ANKRD17: variants seen among roughly 807,000 people sequenced by gnomAD.
ANKRD17 encodes ankyrin repeat domain 17, also known as ankyrin repeat domain-containing protein 17.
A neutral mutation model predicts 229.7 loss-of-function variants in ANKRD17; 19 were observed. The observed-to-expected ratio is 0.08, with a 90% CI of 0.06 to 0.12. The LOEUF is 0.12. Ranked by LOEUF, ANKRD17 falls within the 10% of genes least tolerant of loss-of-function variation. ANKRD17 has a pLI of 1.00. For synonymous variants in ANKRD17, 1,112 were observed against 1,146.1 expected, an observed-to-expected ratio of 0.97 and a Z score of 0.60; for missense variants, 2,176 against 3,176.8, an observed-to-expected ratio of 0.68 and a Z score of 7.57.
Position 73,258,369 on chromosome 4 carries a change from G to A in ANKRD17, c.300C>T (p.Gly100=). The A allele has an allele frequency of 1.9e-6, 3 of 1,605,986 alleles. No homozygotes were observed. The highest frequency in any genetic ancestry group is 2.5e-6 in the Non-Finnish European group (3 of 1,177,476). Residue 100 remains glycine, a synonymous_variant, in exon 1 of 34, where the codon GGC becomes GGT. Coordinates refer to ENST00000358602, the MANE Select transcript of ANKRD17 (RefSeq NM_032217.5). ...CGCCGCCACCTCCGCCTCCACCGCC[G>A]CCTCCACCGCCGCCGCTGTTGTCGC... ...SDSDNSGGGG[G]GGGGGGGGGG... is the part of the protein sequence containing the mutation.
chr4:73,086,038 T>C (rs1426145146), intron 29 of ANKRD17, among the ~76,000 whole-genome samples: 1 of 152,010 alleles, frequency 6.6e-6, no homozygotes, highest in African/African-American at 2.4e-5. Context: ...AAGAAACAAT[T>C]ATCACATTAT....
intron 17 of ANKRD17, 59 bp from the exon 18 acceptor site, chr4:73,125,117 C>T (rs1048152147): frequency 6.9e-6 from 11 of 1,599,556 alleles, no homozygotes; most frequent in Non-Finnish European, 9.4e-6. Context: ...AAATATCTGA[C>T]CTTCAAAATA....
chr4:73,090,625 T>G, intron 29 of ANKRD17, 42 bp downstream of exon 29: 1 of 1,609,896 alleles, frequency 6.2e-7, no homozygotes, highest in South Asian at 1.1e-5. Flanking sequence ...ACATCACTTG[T>G]GCAAATGAAC....
chr4:73,102,336 A>G, intron 25 of ANKRD17, 40 bp downstream of exon 25: 1 of 1,544,476 alleles, frequency 6.5e-7, no homozygotes, highest in Non-Finnish European at 8.7e-7. Flanking sequence ...AATTTTAACT[A>G]GAATATAAAA....
rs189491988 is a variant in ANKRD17, at chr4:73,189,837, C to T, written c.394-12304G>A. 2.4e-3 allele frequency among the ~76,000 whole-genome samples: 366 copies of T among 152,252 alleles called. 1 individual carries two copies. The highest frequency in any genetic ancestry group is 8.3e-3 in the African/African-American group (343 of 41,548). ...CATAAAAAAAAATGAACCTTTCAGA[C>T]TTAGTGCTAACACCAGTGTGTGACA... On this transcript the variant is annotated intron_variant, in intron 1 of 33. Coordinates refer to ENST00000358602, the MANE Select transcript of ANKRD17 (RefSeq NM_032217.5).
intron 9 of ANKRD17, 63 bp downstream of exon 9, chr4:73,147,178 A>G: frequency 7.1e-7 from 1 of 1,404,586 alleles, no homozygotes; most frequent in Non-Finnish European, 9.6e-7. Flanking sequence ...AAATATTTGC[A>G]TTATGACATT....
intron 3 of ANKRD17, among the ~76,000 whole-genome samples, chr4:73,157,027 G>A (rs1411493733): frequency 6.6e-6 from 1 of 152,002 alleles, no homozygotes; most frequent in East Asian, 1.9e-4. Flanking sequence ...TGCAACTGAA[G>A]GATAAAGTCT....
At chr4:73,144,183 A>T (rs541029260) in intron 11 of ANKRD17, among the ~76,000 whole-genome samples, 1 of 152,212 alleles carries the variant, frequency 6.6e-6, no homozygotes, top group Non-Finnish European at 1.5e-5. Context: ...AGAAAGTAAT[A>T]ATATACTCCC....
chr4:73,213,586 G>A (rs546170075), intron 1 of ANKRD17, among the ~76,000 whole-genome samples: 18 of 152,296 alleles, frequency 1.2e-4, no homozygotes, highest in African/African-American at 4.1e-4. Flanking sequence ...GAATGAGAAA[G>A]ACAGAGATGT....
chr4:73,175,714 T>C (rs1043100515), intron 2 of ANKRD17, among the ~76,000 whole-genome samples: 1 of 152,006 alleles, frequency 6.6e-6, no homozygotes, highest in Non-Finnish European at 1.5e-5. Flanking sequence ...GAAAGAACAG[T>C]CTCTTCAATA....
chr4:73,087,115 CT>C lies in ANKRD17; in HGVS notation c.6962-1670del, dbSNP rs928540268. Among the ~76,000 whole-genome samples the C allele has an allele frequency of 7.5e-5, 11 of 146,622 alleles. No homozygotes were observed. The East Asian group carries it at 1.0e-3, about 13-fold the overall frequency. On this transcript the variant is annotated intron_variant, in intron 29 of 33. Transcript: ENST00000358602. Reference sequence around the variant, plus strand: ...ATACTGGAACAATTTATCATTTTTTCTTTTTTTTTAAGGAGACAGGAGATTG... The same window carrying C: ...ATACTGGAACAATTTATCATTTTTTCTTTTTTTTAAGGAGACAGGAGATTG...
chr4:73,188,760 A>T (rs1353411013), intron 1 of ANKRD17, among the ~76,000 whole-genome samples: 2 of 152,208 alleles, frequency 1.3e-5, no homozygotes, highest in African/African-American at 4.8e-5. Flanking sequence ...TAAAAGTTTC[A>T]TTAATAAAAC....
intron 21 of ANKRD17, among the ~76,000 whole-genome samples, chr4:73,119,827 C>G (rs746988349): frequency 1.3e-5 from 2 of 152,106 alleles, no homozygotes; most frequent in Non-Finnish European, 2.9e-5. Context: ...GACAATGAAG[C>G]CTTAGATCAC....
chr4:73,230,978 G>A (rs987102697), intron 1 of ANKRD17, among the ~76,000 whole-genome samples: 5 of 152,096 alleles, frequency 3.3e-5, no homozygotes, highest in African/African-American at 1.2e-4. Flanking sequence ...ATTTTCAAAT[G>A]AAAATAAAAA....
chr4:73,172,186 A>G (rs1215245856), intron 2 of ANKRD17, among the ~76,000 whole-genome samples: 2 of 152,192 alleles, frequency 1.3e-5, no homozygotes, highest in Non-Finnish European at 2.9e-5. Flanking sequence ...ACAAAAAGAC[A>G]CAAATAAAAT....
intron 1 of ANKRD17, among the ~76,000 whole-genome samples, chr4:73,241,291 T>C (rs1352159186): frequency 6.6e-6 from 1 of 152,098 alleles, no homozygotes; most frequent in Non-Finnish European, 1.5e-5. Context: ...AATGAACCCA[T>C]ATAAATTTGA....
chr4:73,191,811 A>T (rs1051143945), intron 1 of ANKRD17, among the ~76,000 whole-genome samples: 6 of 152,066 alleles, frequency 3.9e-5, no homozygotes, highest in African/African-American at 1.4e-4. Flanking sequence ...GATAATATCT[A>T]ATGTTTTCAA....
At chr4:73,159,837 C>T (rs1732256879) in intron 3 of ANKRD17, among the ~76,000 whole-genome samples, 1 of 152,044 alleles carries the variant, frequency 6.6e-6, no homozygotes, top group Admixed American at 6.5e-5. Flanking sequence ...GTCAGTCAAC[C>T]TATGAGAAGA....
chr4:73,099,393 C>T (rs967947757), intron 25 of ANKRD17, among the ~76,000 whole-genome samples: 1 of 152,166 alleles, frequency 6.6e-6, no homozygotes, highest in Middle Eastern at 3.2e-3. Context: ...CCCGCAACCA[C>T]CCACACATAC....
Sources: gnomAD v4.1 joint callset for allele counts (sites outside exome capture counted in the v4.1 genomes callset) on GRCh38, gnomAD v4.1.1 for gene constraint, MANE v1.5 for transcripts, NCBI Gene and HGNC (gene_info 2026-07-23, HGNC 2026-07-21) for gene names.